Variants in NLRP1 observed in about 807,000 individuals in gnomAD.
NLRP1 encodes NACHT, LRR and PYD domains-containing protein 1.
NLRP1 carries 94 observed loss-of-function variants against 136.7 expected under a neutral mutation model. The ratio of observed to expected loss-of-function variants is 0.69; its 90% CI spans 0.58 to 0.82. The LOEUF is 0.82. Among genes scored for constraint, NLRP1 ranks in the 40% least tolerant of loss-of-function variants. The pLI, the probability that NLRP1 is intolerant of heterozygous loss-of-function variation, is 0.00. For synonymous variants in NLRP1, 690 were observed against 725.1 expected, an observed-to-expected ratio of 0.95 and a Z score of 0.78; for missense variants, 1,575 against 1,802.7, an observed-to-expected ratio of 0.87 and a Z score of 2.29.
chr17:5,560,025 C>G lies in NLRP1; in HGVS notation c.671G>C (p.Arg224Thr), dbSNP rs1270575989. 1.9e-6 allele frequency: 3 copies of G among 1,561,324 alleles called. No individual in the cohort carries two copies. Among genetic ancestry groups the G allele is most frequent in the South Asian group, 1.2e-5 (1 of 83,428 alleles). The change falls in exon 4 of 17, where the codon AGA (arginine) becomes ACA (threonine). Residue 224 changes from arginine (R) to threonine (T), a missense_variant. Physicochemically the swap from Arg to Thr is moderately conservative, Grantham distance 71. Transcript: ENST00000572272. Reference protein sequence around the residue: ...IYYTEIREREREKSEKGRPPW... With the variant: ...IYYTEIRERETEKSEKGRPPW... ...GGGCCTGCCTTTCTCTGATTTCTCT[C>G]TCTCTCTTTCTCTGATTTCTAAGTA...
intron 3 of NLRP1, among the ~76,000 whole-genome samples, chr17:5,576,819 T>G (rs926687249): frequency 2.0e-5 from 3 of 152,136 alleles, no homozygotes; most frequent in Non-Finnish European, 4.4e-5. Flanking sequence ...AAAAAGGAAT[T>G]TTAGACCAAT....
intron 3 of NLRP1, among the ~76,000 whole-genome samples, chr17:5,565,064 A>C (rs1162555426): frequency 2.0e-5 from 3 of 152,130 alleles, no homozygotes; most frequent in Non-Finnish European, 2.9e-5. Context: ...GGAAACTCCA[A>C]ACTGTTCTCC....
chr17:5,507,618 A>T lies in NLRP1; in HGVS notation c.4070-5746T>A, dbSNP rs1907411210. ...GGCGGGTAGATCACGAGGTCAGGAG[A>T]TCGAGTCCATCCTGGCTAACACAGT... On this transcript the variant is annotated intron_variant, in intron 15 of 15. Transcript: ENST00000262467. Among the ~76,000 whole-genome samples, 3 of 152,126 alleles carry T rather than the reference A, an allele frequency of 2.0e-5. No individual in the cohort carries two copies. In the South Asian group the frequency reaches 6.2e-4, roughly 32 times the overall value.
In NLRP1 at chr17:5,583,393, G is replaced by C. The variant is rs1432708220; in HGVS notation, c.271+294C>G. 6.6e-6 allele frequency among the ~76,000 whole-genome samples: 1 copy of C among 152,200 alleles called. No individual in the cohort carries two copies. Among genetic ancestry groups the C allele is most frequent in the Non-Finnish European group, 1.5e-5 (1 of 68,036 alleles). ...GCCCAGGGTGATAGTGCCAGGACTG[G>C]TGATAGTGCCTGACTCCCAAGTCCG... On this transcript the variant is annotated intron_variant, in intron 1 of 16. Coordinates refer to ENST00000572272, the MANE Select transcript of NLRP1 (RefSeq NM_033004.4). The surrounding 1 kb of genome is among the most constrained non-coding windows in gnomAD (Gnocchi z 4.5).
At chr17:5,570,563 G>C (rs1915764329) in intron 3 of NLRP1, among the ~76,000 whole-genome samples, 1 of 152,048 alleles carries the variant, frequency 6.6e-6, no homozygotes, top group African/African-American at 2.4e-5. Flanking sequence ...ACTCTGAACA[G>C]AGCAATAACG....
downstream of NLRP1, among the ~76,000 whole-genome samples, chr17:5,510,073 C>CTTT (rs899981503): frequency 3.4e-5 from 5 of 147,224 alleles, no homozygotes; most frequent in African/African-American, 1.2e-4. Context: ...TCTTCTTCTT[C>CTTT]TTTTTTTTTT....
intron 3 of NLRP1, among the ~76,000 whole-genome samples, chr17:5,567,506 T>C (rs907887224): frequency 1.3e-5 from 2 of 152,270 alleles, no homozygotes; most frequent in South Asian, 4.1e-4. Context: ...TCTATTTATA[T>C]ATTATTTTAC....
intron 12 of NLRP1, among the ~76,000 whole-genome samples, chr17:5,524,828 A>G (rs971591911): frequency 6.6e-6 from 1 of 152,110 alleles, no homozygotes; most frequent in Non-Finnish European, 1.5e-5. Context: ...GGTGTCTCCA[A>G]CTTACCTTCT....
At chr17:5,543,205 T>A (rs1912106651) in intron 5 of NLRP1, among the ~76,000 whole-genome samples, 1 of 151,880 alleles carries the variant, frequency 6.6e-6, no homozygotes. Flanking sequence ...AAGTATGTAG[T>A]AAATAAATGA....
In NLRP1 at chr17:5,582,663, G is replaced by C. The variant is rs1205690047; in HGVS notation, c.448+7C>G. 2 of 1,613,728 alleles carry C rather than the reference G, an allele frequency of 1.2e-6. No individual in the cohort carries two copies. Among genetic ancestry groups the C allele is most frequent in the African/African-American group, 1.3e-5 (1 of 74,912 alleles). On this transcript the variant is annotated splice_region_variant and intron_variant, in intron 2 of 16. Coordinates refer to ENST00000572272, the MANE Select transcript of NLRP1 (RefSeq NM_033004.4). The stretch of plus-strand genomic sequence containing the variant: ...CAGGGCTGTCAGCCTGCCTCAGCAA[G>C]CCTCACCTCTCCAGCGGCGTCCAGA...
At chr17:5,515,155 A>G (rs1907921742) in intron 16 of NLRP1, 82 bp from the exon 17 acceptor site, 1 of 1,275,324 alleles carries the variant, frequency 7.8e-7, no homozygotes, top group Non-Finnish European at 1.1e-6. Context: ...TCATCTCTGC[A>G]TCCCTCGCTT....
chr17:5,558,670 C>T lies in NLRP1; in HGVS notation c.2026G>A (p.Gly676Ser), dbSNP rs200830914. 2.6e-5 allele frequency: 42 copies of T among 1,613,972 alleles called. No homozygotes were observed. The highest frequency in any genetic ancestry group is 3.3e-5 in the Non-Finnish European group (39 of 1,180,034). Residue 676 changes from glycine to serine, a missense_variant, in exon 4 of 17, where the codon GGC becomes AGC. Coordinates refer to ENST00000572272, the MANE Select transcript of NLRP1 (RefSeq NM_033004.4). The part of the protein sequence containing the change: ...FGASTTRFLL[G>S]LLSDEGEREM... ...CTCTCCCCCTCATCACTTAACAGGC[C>T]CAATAGGAAACGTGTGGTTGATGCC...
Position 5,578,533 on chromosome 17 carries a change from G to A in NLRP1, c.652+3326C>T, listed in dbSNP as rs528316331. Among the ~76,000 whole-genome samples, 52 of 152,328 alleles carry A rather than the reference G, an allele frequency of 3.4e-4. 1 individual carries two copies. The highest frequency in any genetic ancestry group is 2.1e-3 in the South Asian group (10 of 4,828). ...AAATGCTCATCATCACTGGCCATTA[G>A]AGAAATGCAAATCAAAACCACAATG... On this transcript the variant is annotated intron_variant, in intron 3 of 16. Transcript: ENST00000572272.
At chr17:5,577,401 C>CA (rs1430129539) in intron 3 of NLRP1, among the ~76,000 whole-genome samples, 1 of 152,246 alleles carries the variant, frequency 6.6e-6, no homozygotes, top group Non-Finnish European at 1.5e-5. Context: ...AGCTGATAAG[C>CA]AACTTCAGCG....
Position 5,537,003 on chromosome 17 carries a change from G to T in NLRP1, c.2871-63C>A. On this transcript the variant is annotated intron_variant, in intron 7 of 16. Coordinates refer to ENST00000572272, the MANE Select transcript of NLRP1 (RefSeq NM_033004.4). The surrounding 1 kb of genome is among the most constrained non-coding windows in gnomAD (Gnocchi z 4.5). ...CCCATGTGGTCCCCAGGTCCCCAGGGCCCAGAATCCTGGGACCTGTCACCT... is the reference window on the plus strand; with the variant it reads ...CCCATGTGGTCCCCAGGTCCCCAGGTCCCAGAATCCTGGGACCTGTCACCT... 4 of 1,200,684 alleles carry T rather than the reference G, an allele frequency of 3.3e-6. No homozygotes were observed. Among genetic ancestry groups the T allele is most frequent in the South Asian group, 1.2e-5 (1 of 82,560 alleles). 74.4% of individuals were successfully genotyped at this position (1,200,684 alleles called of 1,614,324 possible). A position where few individuals can be genotyped will look rare whatever the true frequency, so the allele number is the denominator to read the frequency against.
downstream of NLRP1, among the ~76,000 whole-genome samples, chr17:5,512,849 G>A (rs1443289260): frequency 6.6e-6 from 1 of 152,196 alleles, no homozygotes; most frequent in Non-Finnish European, 1.5e-5. Context: ...CCCTTTCATT[G>A]CCATCTTGGC....
intron 8 of NLRP1, 86 bp downstream of exon 8, chr17:5,536,765 T>G: frequency 1.1e-6 from 1 of 925,240 alleles, no homozygotes; most frequent in Non-Finnish European, 1.8e-6. Context: ...CTGGCTGTGT[T>G]TGTCTCTCAC....
chr17:5,515,719 A>G (rs1908017727), intron 15 of NLRP1, among the ~76,000 whole-genome samples: 1 of 152,184 alleles, frequency 6.6e-6, no homozygotes, highest in African/African-American at 2.4e-5. Flanking sequence ...CATATGGGGA[A>G]ACTGAGGCTC....
chr17:5,550,887 T>A (rs1913267301), intron 5 of NLRP1, among the ~76,000 whole-genome samples: 1 of 152,214 alleles, frequency 6.6e-6, no homozygotes, highest in African/African-American at 2.4e-5. Context: ...AGAGTAGTTT[T>A]AGGTTCACAG....
Sources: allele counts gnomAD v4.1 joint callset (sites outside exome capture counted in the v4.1 genomes callset), GRCh38; gene constraint gnomAD v4.1.1; non-coding constraint Gnocchi (gnomAD v3.1); transcripts MANE v1.5; gene names NCBI Gene and HGNC (gene_info 2026-07-23, HGNC 2026-07-21).